The following ADGRL4 variants were observed in gnomAD, a reference collection of about 807,000 sequenced individuals.
ADGRL4 encodes EGF, latrophilin and seven transmembrane domain containing 1.
In ADGRL4, 90 loss-of-function variants were observed where a neutral mutation model predicts 74.8. That is an observed-to-expected ratio of 1.20 (90% CI 1.02 to 1.43). ADGRL4 has a LOEUF of 1.43. Ranked by LOEUF, ADGRL4 falls within the 40% of genes most tolerant of loss-of-function variation. The pLI is 0.00. For missense variants in ADGRL4, 881 were observed against 814.3 expected (o/e 1.08, Z -1.00); for synonymous variants, 311 against 279.2 (o/e 1.11, Z -1.14).
intron 2 of ADGRL4, among the ~76,000 whole-genome samples, chr1:78,993,234 C>T (rs971399678): frequency 6.6e-6 from 1 of 151,836 alleles, no homozygotes; most frequent in Non-Finnish European, 1.5e-5. Flanking sequence ...TATTTCTTCC[C>T]AGTTGGTTTA....
chr1:78,972,265 C>A (rs976206483), intron 2 of ADGRL4, among the ~76,000 whole-genome samples: 3 of 152,084 alleles, frequency 2.0e-5, no homozygotes, highest in Admixed American at 2.0e-4. Context: ...ATGAAAAAGC[C>A]TGACTGGATT....
At chr1:78,999,833 T>TATC (rs1650804383) in intron 2 of ADGRL4, among the ~76,000 whole-genome samples, 1 of 147,458 alleles carries the variant, frequency 6.8e-6, no homozygotes, top group African/African-American at 2.6e-5. Context: ...TCTATCTATC[T>TATC]ATCTATCTAC....
intron 2 of ADGRL4, among the ~76,000 whole-genome samples, chr1:78,959,530 C>T (rs747266460): frequency 9.9e-5 from 15 of 152,148 alleles, no homozygotes; most frequent in Admixed American, 5.2e-4. Context: ...TTCAGTTAGT[C>T]ATGTCTCCAG....
Position 78,920,320 on chromosome 1 carries a change from G to T in ADGRL4, c.1324C>A (p.Leu442Ile). Residue 442 changes from leucine (L) to isoleucine (I), a missense_variant, in exon 10 of 15, where the codon CTT becomes ATT. Coordinates refer to ENST00000370742, the MANE Select transcript of ADGRL4 (RefSeq NM_022159.4). ...QLGIIISLIC[L>I]AICIFTFWFF... The stretch of plus-strand genomic sequence containing the variant: ...CAGAAGGTAAAAATGCATATGGCAA[G>T]ACAAATCAGTGAAATAATTATTCCT... The T allele has an allele frequency of 6.2e-7, 1 of 1,609,976 alleles. No individual in the cohort carries two copies. The highest frequency in any genetic ancestry group is 1.1e-5 in the South Asian group (1 of 90,992).
intron 2 of ADGRL4, among the ~76,000 whole-genome samples, chr1:78,985,336 G>T (rs950642904): frequency 1.6e-4 from 25 of 151,732 alleles, no homozygotes; most frequent in Middle Eastern, 3.4e-3. Flanking sequence ...ACAAAGTAAG[G>T]ATTTGAGTGA....
chr1:78,899,007 A>G (rs1437894299), intron 12 of ADGRL4, among the ~76,000 whole-genome samples: 1 of 152,144 alleles, frequency 6.6e-6, no homozygotes, highest in African/African-American at 2.4e-5. Flanking sequence ...AAGCATCCCA[A>G]TCAGTCATTT....
At chr1:78,953,602 A>G (rs973773073) in intron 2 of ADGRL4, among the ~76,000 whole-genome samples, 3 of 152,224 alleles carry the variant, frequency 2.0e-5, no homozygotes, top group Middle Eastern at 3.2e-3. Context: ...GTAGAAATAC[A>G]TGGATTCAGA....
At chr1:78,982,360 A>G (rs953977878) in intron 2 of ADGRL4, among the ~76,000 whole-genome samples, 1 of 151,902 alleles carries the variant, frequency 6.6e-6, no homozygotes, top group African/African-American at 2.4e-5. Flanking sequence ...ATCAAGTGAG[A>G]TGTTTTTTAC....
intron 2 of ADGRL4, among the ~76,000 whole-genome samples, chr1:78,999,952 C>A (rs928545085): frequency 6.5e-5 from 8 of 123,122 alleles, no homozygotes; most frequent in Middle Eastern, 4.0e-3. Flanking sequence ...AATGTCAACC[C>A]AGAAGGCATT....
chr1:78,924,250 G>C (rs1649067779), intron 8 of ADGRL4, among the ~76,000 whole-genome samples: 1 of 151,908 alleles, frequency 6.6e-6, no homozygotes, highest in Non-Finnish European at 1.5e-5. Context: ...TAATATAAGG[G>C]TAAGGTAGAA....
chr1:78,949,476 T>G (rs1557509343), intron 2 of ADGRL4, among the ~76,000 whole-genome samples: 1 of 152,152 alleles, frequency 6.6e-6, no homozygotes, highest in Non-Finnish European at 1.5e-5. Flanking sequence ...AATTCCCTAA[T>G]GTTCCAACTC....
intron 12 of ADGRL4, among the ~76,000 whole-genome samples, chr1:78,914,925 C>T (rs1346181391): frequency 2.0e-5 from 3 of 151,836 alleles, no homozygotes; most frequent in Non-Finnish European, 4.4e-5. Context: ...CTAGTTGTGG[C>T]TTAAGAGACA....
chr1:78,999,422 A>G (rs1295246032), intron 2 of ADGRL4, among the ~76,000 whole-genome samples: 1 of 152,118 alleles, frequency 6.6e-6, no homozygotes, highest in Non-Finnish European at 1.5e-5. Context: ...TTTTACAAAC[A>G]ATTAGCCCGG....
At chr1:78,946,512 T>TTTAGCACTAAG in intron 2 of ADGRL4, 86 bp from the exon 3 acceptor site, 2 of 1,132,298 alleles carry the variant, frequency 1.8e-6, no homozygotes, top group Non-Finnish European at 2.5e-6. Flanking sequence ...GAATATTGAC[T>TTTAGCACTAAG]GTTAGATAGT....
At chr1:78,916,764 C>G (rs1404127603) in intron 12 of ADGRL4, among the ~76,000 whole-genome samples, 1 of 151,828 alleles carries the variant, frequency 6.6e-6, no homozygotes, top group African/African-American at 2.4e-5. Flanking sequence ...AGCTTACGGT[C>G]AACACATATG....
intron 7 of ADGRL4, among the ~76,000 whole-genome samples, chr1:78,930,241 A>T (rs1015332908): frequency 4.0e-5 from 6 of 150,992 alleles, no homozygotes; most frequent in Non-Finnish European, 5.9e-5. Context: ...ACCTAGAGAA[A>T]ATAGGAAATA....
At chr1:78,914,966 T>C (rs1648840662) in intron 12 of ADGRL4, among the ~76,000 whole-genome samples, 1 of 151,934 alleles carries the variant, frequency 6.6e-6, no homozygotes, top group Admixed American at 6.6e-5. Context: ...CATAATTTAC[T>C]TGGTGATCAC....
At chr1:78,894,477 G>A (rs1376192036) in intron 12 of ADGRL4, among the ~76,000 whole-genome samples, 6 of 151,630 alleles carry the variant, frequency 4.0e-5, no homozygotes, top group Non-Finnish European at 7.4e-5. Flanking sequence ...ATTGATTTAG[G>A]TGATAGTTCC....
chr1:78,911,308 G>C (rs1215192894), intron 12 of ADGRL4, among the ~76,000 whole-genome samples: 1 of 151,760 alleles, frequency 6.6e-6, no homozygotes, highest in African/African-American at 2.4e-5. Flanking sequence ...CAGAGAAACG[G>C]TGAAAGCAAT....
Sources: gnomAD v4.1 joint callset for allele counts (sites outside exome capture counted in the v4.1 genomes callset) on GRCh38, gnomAD v4.1.1 for gene constraint, MANE v1.5 for transcripts, NCBI Gene and HGNC (gene_info 2026-07-23, HGNC 2026-07-21) for gene names.